FRY: variants seen among roughly 807,000 people sequenced by gnomAD.
The protein encoded by FRY is FRY microtubule binding protein.
A neutral mutation model predicts 348.4 loss-of-function variants in FRY; 128 were observed. The observed-to-expected ratio is 0.37, with a 90% CI of 0.32 to 0.43. The LOEUF (loss-of-function observed/expected upper bound fraction) is 0.43. Among genes scored for constraint, FRY ranks in the 20% least tolerant of loss-of-function variants. The probability of loss-of-function intolerance (pLI) is 1.00; values close to 1 mark genes in which losing one functional copy is unlikely to be tolerated. For missense variants in FRY, 2,736 were observed against 3,695.2 expected, an observed-to-expected ratio of 0.74 and a Z score of 6.73; for synonymous variants, 1,370 against 1,374.7, an observed-to-expected ratio of 1.00 and a Z score of 0.08.
At chr13:32,270,109 T>A (rs1249676684) in intron 55 of FRY, among the ~76,000 whole-genome samples, 1 of 152,182 alleles carries the variant, frequency 6.6e-6, no homozygotes, top group Non-Finnish European at 1.5e-5. Flanking sequence ...TAAACCAGAT[T>A]GAAATTTTAA....
chr13:32,035,610 C>T (rs1299816604), intron 1 of FRY, among the ~76,000 whole-genome samples: 2 of 152,166 alleles, frequency 1.3e-5, no homozygotes, highest in African/African-American at 4.8e-5. Flanking sequence ...TCTGTCCACC[C>T]CAGGATGCCT....
At chr13:32,155,732 T>C (rs1439582080) in intron 15 of FRY, 70 bp downstream of exon 15, 2 of 1,027,590 alleles carry the variant, frequency 1.9e-6, no homozygotes, top group African/African-American at 3.2e-5. Flanking sequence ...TATTTATCTT[T>C]AGTGAGATGC....
rs754836335 is a variant in FRY at position 32,249,574 on chromosome 13, C to T, written c.7057C>T (p.Arg2353Cys). Residue 2353 changes from arginine to cysteine, a missense_variant, in exon 49 of 61, where the codon CGT (arginine) becomes TGT (cysteine). Physicochemically the swap from Arg to Cys is radical, Grantham distance 180 (BLOSUM62 -3). Transcript: ENST00000542859. ...RYDELQNSSG[R>C]DGKPRAMAVT... ...TGATGAGCTGCAGAATTCTTCTGGGCGTGATGGGAAGCCCAGGGCCATGGC... is the reference window on the plus strand; with the variant it reads ...TGATGAGCTGCAGAATTCTTCTGGGTGTGATGGGAAGCCCAGGGCCATGGC... 1.6e-5 allele frequency: 26 copies of T among 1,613,974 alleles called. No homozygotes were observed. Among genetic ancestry groups the T allele is most frequent in the South Asian group, 2.2e-5 (2 of 91,080 alleles).
intron 20 of FRY, among the ~76,000 whole-genome samples, chr13:32,176,560 C>T (rs1230088407): frequency 6.6e-6 from 1 of 152,202 alleles, no homozygotes; most frequent in Non-Finnish European, 1.5e-5. Context: ...CCAGGTACTG[C>T]AGACCTTAAC....
intron 46 of FRY, among the ~76,000 whole-genome samples, chr13:32,241,532 CAGAATT>C (rs1199883621): frequency 6.6e-6 from 1 of 152,118 alleles, no homozygotes; most frequent in Non-Finnish European, 1.5e-5. Flanking sequence ...TTTGTGGGTA[CAGAATT>C]TCAGTTTGGG....
chr13:32,147,472 T>G (rs930117527), intron 12 of FRY, 87 bp downstream of exon 12: 10 of 776,842 alleles, frequency 1.3e-5, no homozygotes, highest in Non-Finnish European at 2.3e-5. Flanking sequence ...CTAACTCAAC[T>G]AGAAGCTATT....
intron 29 of FRY, among the ~76,000 whole-genome samples, chr13:32,194,589 T>C (rs1161184619): frequency 1.3e-5 from 2 of 152,152 alleles, no homozygotes; most frequent in Non-Finnish European, 2.9e-5. Context: ...GAAGATACAT[T>C]ATAGGAATTA....
At chr13:32,109,235 T>G (rs1877789951) in intron 3 of FRY, among the ~76,000 whole-genome samples, 1 of 152,152 alleles carries the variant, frequency 6.6e-6, no homozygotes, top group African/African-American at 2.4e-5. Flanking sequence ...TTCCATTCAA[T>G]TAAACAAACA....
At chr13:32,113,883 G>A (rs1187100367) in intron 3 of FRY, among the ~76,000 whole-genome samples, 1 of 152,168 alleles carries the variant, frequency 6.6e-6, no homozygotes. Flanking sequence ...TCCACCCCAT[G>A]CTGACCTTTC....
intron 58 of FRY, among the ~76,000 whole-genome samples, chr13:32,279,846 C>T (rs1888725664): frequency 6.6e-6 from 1 of 152,206 alleles, no homozygotes; most frequent in Non-Finnish European, 1.5e-5. Context: ...AGCAAGTTTG[C>T]AGTCCTGAGA....
Position 32,294,418 on chromosome 13 carries a change from A to G in FRY, c.8631A>G (p.Glu2877=), listed in dbSNP as rs764472770. The change falls in exon 60 of 61, where the codon GAA becomes GAG. Residue 2877 remains glutamate (E), a synonymous_variant. Transcript: ENST00000542859. The part of the protein sequence containing the change: ...ELSDLKKHLK[E]ASAVIAADPL... Reference sequence around the variant, plus strand: ...GTGACCTAAAGAAACACCTGAAGGAAGCCAGTGCAGTCATTGCAGCTGACC... The same window carrying G: ...GTGACCTAAAGAAACACCTGAAGGAGGCCAGTGCAGTCATTGCAGCTGACC... 1 of 1,613,966 alleles carries G rather than the reference A, an allele frequency of 6.2e-7. No homozygotes were observed. The highest frequency in any genetic ancestry group is 8.5e-7 in the Non-Finnish European group (1 of 1,179,944).
chr13:32,145,934 G>A (rs2138823130), intron 11 of FRY, among the ~76,000 whole-genome samples: 1 of 152,188 alleles, frequency 6.6e-6, no homozygotes, highest in South Asian at 2.1e-4. Context: ...CTTCCTCTGT[G>A]GTCTCTCTGA....
intron 55 of FRY, among the ~76,000 whole-genome samples, chr13:32,267,640 A>G (rs760477310): frequency 6.6e-6 from 1 of 152,196 alleles, no homozygotes; most frequent in African/African-American, 2.4e-5. Context: ...CCATGACATC[A>G]GGACCATTAA....
Position 32,289,755 on chromosome 13 carries a change from C to A in FRY, c.8580+12C>A. The A allele has an allele frequency of 2.1e-6, 3 of 1,399,202 alleles. No individual in the cohort carries two copies. The highest frequency in any genetic ancestry group is 2.0e-6 in the Non-Finnish European group (2 of 983,584). The allele number at this position is 1,399,202 out of a possible 1,614,324, so 86.7% of individuals were successfully genotyped here. A position where few individuals can be genotyped will look rare whatever the true frequency, so the allele number is the denominator to read the frequency against. ...GCTCCATGCCAGAGGTGAGTCCACA[C>A]GCTTCCCAACCCCACGTCCCACCAC... On this transcript the variant is annotated intron_variant, in intron 59 of 60. Coordinates refer to ENST00000542859, the MANE Select transcript of FRY (RefSeq NM_023037.3).
intron 39 of FRY, among the ~76,000 whole-genome samples, chr13:32,227,229 G>A (rs993762628): frequency 6.6e-6 from 1 of 152,114 alleles, no homozygotes. Flanking sequence ...AAAGATTATG[G>A]GAAATGTTCT....
chr13:32,122,943 G>A (rs1264648506), intron 4 of FRY, among the ~76,000 whole-genome samples: 1 of 106,774 alleles, frequency 9.4e-6, no homozygotes, highest in Non-Finnish European at 2.2e-5. Flanking sequence ...TACAATAGCT[G>A]CAAAAAATAA....
intron 14 of FRY, among the ~76,000 whole-genome samples, chr13:32,153,621 T>G (rs1361214569): frequency 1.3e-5 from 2 of 152,204 alleles, no homozygotes; most frequent in Admixed American, 1.3e-4. Context: ...CCTGACTATG[T>G]ATGTTTCTCT....
At chr13:32,144,229 A>G (rs1566094741) in intron 11 of FRY, among the ~76,000 whole-genome samples, 1 of 151,772 alleles carries the variant, frequency 6.6e-6, no homozygotes. Flanking sequence ...ACAAAAAAAA[A>G]AACTTCTACA....
intron 40 of FRY, among the ~76,000 whole-genome samples, 196 bp downstream of exon 40, chr13:32,228,850 C>T (rs1044712465): frequency 6.6e-6 from 1 of 152,162 alleles, no homozygotes; most frequent in Non-Finnish European, 1.5e-5. Flanking sequence ...AGGCAGACAT[C>T]AATAGCAGTT....
Sources: gnomAD v4.1 joint callset for allele counts (sites outside exome capture counted in the v4.1 genomes callset) on GRCh38, gnomAD v4.1.1 for gene constraint, MANE v1.5 for transcripts, NCBI Gene and HGNC (gene_info 2026-07-23, HGNC 2026-07-21) for gene names.